The following TBC1D22A variants were observed in gnomAD, a reference collection of about 807,000 sequenced individuals.
The protein encoded by TBC1D22A is putative GTPase activator.
Under a neutral mutation model 60.2 loss-of-function variants are expected in TBC1D22A, and 38 were observed. The ratio of observed to expected loss-of-function variants is 0.63; its 90% confidence interval spans 0.49 to 0.83. TBC1D22A has a LOEUF of 0.83. TBC1D22A is among the 40% of genes least tolerant of loss of function. The pLI, the probability that TBC1D22A is intolerant of heterozygous loss-of-function variation, is 0.00. For synonymous variants in TBC1D22A, 302 were observed against 281.7 expected (o/e 1.07, Z -0.72); for missense variants, 628 against 701.0 (o/e 0.90, Z 1.18).
At chr22:46,873,452 G>GTAA (rs949750389) in intron 4 of TBC1D22A, among the ~76,000 whole-genome samples, 4 of 152,178 alleles carry the variant, frequency 2.6e-5, no homozygotes, top group African/African-American at 9.7e-5. Flanking sequence ...GGTGGGAAGT[G>GTAA]TAAAATGGTG....
At chr22:46,875,512 C>T (rs1194165268) in intron 4 of TBC1D22A, among the ~76,000 whole-genome samples, 4 of 151,854 alleles carry the variant, frequency 2.6e-5, no homozygotes, top group African/African-American at 9.7e-5. Flanking sequence ...GGTGCAGTAG[C>T]GTGATCTCGG....
chr22:46,951,277 C>T (rs1269266284), intron 8 of TBC1D22A, among the ~76,000 whole-genome samples: 1 of 152,108 alleles, frequency 6.6e-6, no homozygotes, highest in African/African-American at 2.4e-5. Flanking sequence ...ATATTTAAAT[C>T]ATTATTATTA....
At chr22:46,906,090 C>A (rs5769230) in intron 7 of TBC1D22A, among the ~76,000 whole-genome samples, 64,204 of 151,900 alleles carry the variant, frequency 0.42, 16,968 homozygotes, top group African/African-American at 0.73. Context: ...TGGCTTAGTC[C>A]AGGGTGGAGC....
chr22:47,158,019 C>A (rs1471778053), intron 12 of TBC1D22A, among the ~76,000 whole-genome samples: 1 of 152,176 alleles, frequency 6.6e-6, no homozygotes, highest in Non-Finnish European at 1.5e-5. Context: ...GGCAGGCGTG[C>A]CTGGGCTTCC....
intron 10 of TBC1D22A, among the ~76,000 whole-genome samples, chr22:47,007,314 C>T (rs1012173896): frequency 2.0e-5 from 3 of 152,122 alleles, no homozygotes; most frequent in African/African-American, 7.2e-5. Context: ...GTGTCCTGCA[C>T]CTCTGCAGAG....
intron 11 of TBC1D22A, among the ~76,000 whole-genome samples, chr22:47,042,328 C>T (rs888130079): frequency 6.6e-6 from 1 of 152,200 alleles, no homozygotes; most frequent in Non-Finnish European, 1.5e-5. Context: ...TGGCCAGAGC[C>T]CCCATCAGTG....
intron 1 of TBC1D22A, among the ~76,000 whole-genome samples, chr22:46,768,427 G>A (rs1050805472): frequency 6.8e-6 from 1 of 146,756 alleles, no homozygotes; most frequent in Non-Finnish European, 1.5e-5. Flanking sequence ...AGAGGTTGCA[G>A]TGAGCCAAGG....
chr22:47,092,410 C>T (rs1436211068), intron 11 of TBC1D22A, among the ~76,000 whole-genome samples: 2 of 152,184 alleles, frequency 1.3e-5, no homozygotes, highest in African/African-American at 4.8e-5. Context: ...GAAGAAGGCA[C>T]TTCCCAGGCT....
intron 4 of TBC1D22A, among the ~76,000 whole-genome samples, chr22:46,806,580 ATAT>A (rs1330586896): frequency 4.0e-5 from 6 of 151,416 alleles, no homozygotes; most frequent in African/African-American, 1.4e-4. Flanking sequence ...TATTTAGAAA[ATAT>A]TATTTAAAAA....
At position 47,084,710 on chromosome 22, in the gene TBC1D22A, A is replaced by G. The variant is rs1221522266; in HGVS notation, c.1330-26798A>G. On this transcript the variant is annotated intron_variant, in intron 11 of 12. Transcript: ENST00000337137. ...GTCTGCAGCTACACGAAGTAATGTG[A>G]ATGTATGAAAAGTCCCTGATGAATA... Among the ~76,000 whole-genome samples, 6 of 152,342 alleles carry G rather than the reference A, an allele frequency of 3.9e-5. No individual in the cohort carries two copies. The South Asian group carries it at 8.3e-4, about 21-fold the overall frequency.
At chr22:46,931,754 C>T (rs5767419) in intron 8 of TBC1D22A, among the ~76,000 whole-genome samples, 2 of 152,306 alleles carry the variant, frequency 1.3e-5, no homozygotes, top group East Asian at 3.9e-4. Flanking sequence ...GATTCTTAAT[C>T]CCTTTAAAGC....
intron 10 of TBC1D22A, among the ~76,000 whole-genome samples, chr22:47,035,071 G>A (rs542086781): frequency 3.9e-5 from 6 of 152,276 alleles, no homozygotes; most frequent in East Asian, 1.9e-4. Flanking sequence ...ATCTGTGGCC[G>A]TGTGTGTAGT....
intron 8 of TBC1D22A, among the ~76,000 whole-genome samples, chr22:46,960,540 G>A (rs1486846111): frequency 1.3e-5 from 2 of 152,202 alleles, no homozygotes; most frequent in African/African-American, 4.8e-5. Context: ...GGGATTACAG[G>A]TGTGAGGCAT....
intron 7 of TBC1D22A, among the ~76,000 whole-genome samples, chr22:46,904,154 C>CTGT (rs1569199922): frequency 9.3e-6 from 1 of 107,188 alleles, no homozygotes; most frequent in African/African-American, 3.5e-5. Context: ...TACCTACCTA[C>CTGT]CTACCTACCT....
At chr22:47,164,741 C>T (rs962404325) in intron 12 of TBC1D22A, among the ~76,000 whole-genome samples, 1 of 152,238 alleles carries the variant, frequency 6.6e-6, no homozygotes, top group East Asian at 1.9e-4. Context: ...GGTCGCTCCG[C>T]TGGCAGCGCT....
At chr22:46,818,273 T>C (rs905451687) in intron 4 of TBC1D22A, among the ~76,000 whole-genome samples, 3 of 152,264 alleles carry the variant, frequency 2.0e-5, no homozygotes, top group Non-Finnish European at 2.9e-5. Context: ...TTTGTCAATT[T>C]TGGCTTATGT....
At chr22:46,972,874 T>C (rs28556767) in intron 8 of TBC1D22A, among the ~76,000 whole-genome samples, 8,235 of 152,254 alleles carry the variant, frequency 0.054, 319 homozygotes, top group Non-Finnish European at 0.086. Flanking sequence ...AGGAGTGATG[T>C]GCGAACTGGC....
At chr22:46,969,280 C>T (rs1181137743) in intron 8 of TBC1D22A, among the ~76,000 whole-genome samples, 1 of 152,202 alleles carries the variant, frequency 6.6e-6, no homozygotes, top group East Asian at 1.9e-4. Context: ...CTCTGCCCTT[C>T]TGCAGAAAAT....
chr22:46,883,795 G>A (rs2067971595), intron 5 of TBC1D22A, among the ~76,000 whole-genome samples: 1 of 152,312 alleles, frequency 6.6e-6, no homozygotes, highest in African/African-American at 2.4e-5. Context: ...CATTGGCCAG[G>A]CTCTGTTTCC....
Sources: allele counts gnomAD v4.1 joint callset (sites outside exome capture counted in the v4.1 genomes callset), GRCh38; gene constraint gnomAD v4.1.1; transcripts MANE v1.5; gene names NCBI Gene and HGNC (gene_info 2026-07-23, HGNC 2026-07-21).